Variants in DLGAP2 observed in about 807,000 individuals in gnomAD.
DLGAP2 encodes disks large-associated protein 2.
DLGAP2 carries 26 observed loss-of-function variants against 100.3 expected under a neutral mutation model. The observed-to-expected ratio is 0.26, with a 90% confidence interval of 0.19 to 0.36. The LOEUF is 0.36. DLGAP2 is among the 10% of genes least tolerant of loss of function. The pLI is 1.00. For synonymous variants in DLGAP2, 886 were observed against 630.1 expected, an observed-to-expected ratio of 1.41 and a Z score of -6.08; for missense variants, 1,858 against 1,453.2, an observed-to-expected ratio of 1.28 and a Z score of -4.53.
At chr8:744,020 T>C (rs1820551663) in intron 1 of DLGAP2, among the ~76,000 whole-genome samples, 1 of 152,248 alleles carries the variant, frequency 6.6e-6, no homozygotes, top group Non-Finnish European at 1.5e-5. Flanking sequence ...ACGTTTCCTC[T>C]GAGTCTTTGC....
intron 1 of DLGAP2, among the ~76,000 whole-genome samples, chr8:804,703 T>C (rs1585882467): frequency 1.3e-5 from 2 of 152,366 alleles, no homozygotes; most frequent in South Asian, 2.1e-4. Flanking sequence ...TTCATTTTGA[T>C]CCAGCTTAAG....
chr8:1,365,164 C>T (rs1218338238), intron 3 of DLGAP2, among the ~76,000 whole-genome samples: 1 of 152,172 alleles, frequency 6.6e-6, no homozygotes, highest in African/African-American at 2.4e-5. Context: ...TGGTTCGGGG[C>T]ATTTGAGGGG....
At chr8:792,053 T>G (rs1231721265) in intron 1 of DLGAP2, among the ~76,000 whole-genome samples, 4 of 152,232 alleles carry the variant, frequency 2.6e-5, no homozygotes, top group Non-Finnish European at 1.5e-5. Flanking sequence ...GACACTGCAT[T>G]TACCAATGTG....
intron 2 of DLGAP2, among the ~76,000 whole-genome samples, chr8:1,157,343 A>G (rs1796811247): frequency 6.6e-6 from 1 of 152,160 alleles, no homozygotes; most frequent in Admixed American, 6.5e-5. Context: ...ACTTCCAGCG[A>G]CGACGGCCCT....
intron 3 of DLGAP2, among the ~76,000 whole-genome samples, chr8:1,462,782 C>T (rs1253816093): frequency 6.6e-6 from 1 of 152,208 alleles, no homozygotes; most frequent in Non-Finnish European, 1.5e-5. Context: ...CCTGAACAAG[C>T]CTCATCTCCG....
chr8:1,617,860 A>G (rs1203000957), intron 6 of DLGAP2, among the ~76,000 whole-genome samples: 1 of 152,376 alleles, frequency 6.6e-6, no homozygotes, highest in East Asian at 1.9e-4. Flanking sequence ...AAGAAATCAG[A>G]GGAACAAGTA....
At chr8:932,501 G>A (rs981648863) in intron 2 of DLGAP2, among the ~76,000 whole-genome samples, 4 of 152,236 alleles carry the variant, frequency 2.6e-5, no homozygotes, top group Non-Finnish European at 5.9e-5. Context: ...AAACACAAGA[G>A]TGGAACAATT....
At chr8:1,025,053 C>T (rs1390258472) in intron 2 of DLGAP2, among the ~76,000 whole-genome samples, 6 of 151,868 alleles carry the variant, frequency 4.0e-5, no homozygotes, top group Middle Eastern at 3.4e-3. Context: ...TGTGCATATG[C>T]GTGCATGTGC....
At chr8:1,341,516 C>G (rs1455665929) in intron 3 of DLGAP2, among the ~76,000 whole-genome samples, 1 of 152,174 alleles carries the variant, frequency 6.6e-6, no homozygotes, top group Admixed American at 6.5e-5. Flanking sequence ...ACAGTATGGG[C>G]TGGATGAGTT....
chr8:1,432,224 T>C (rs1797472319), intron 3 of DLGAP2, among the ~76,000 whole-genome samples: 2 of 152,236 alleles, frequency 1.3e-5, no homozygotes, highest in Admixed American at 1.3e-4. Flanking sequence ...TAAAAGCCAG[T>C]GGCTAAGATG....
At chr8:1,070,053 A>G (rs1305908377) in intron 2 of DLGAP2, among the ~76,000 whole-genome samples, 2 of 152,234 alleles carry the variant, frequency 1.3e-5, no homozygotes, top group Admixed American at 6.5e-5. Flanking sequence ...GGCACTGTGC[A>G]TATTCAAACA....
intron 2 of DLGAP2, among the ~76,000 whole-genome samples, chr8:1,256,509 T>C (rs1799222165): frequency 0.011 from 1,465 of 134,790 alleles, 22 homozygotes; most frequent in African/African-American, 0.033. Flanking sequence ...CCTGCCTGGG[T>C]GCTGTGTGTG....
chr8:1,696,476 C>T (rs192479794), intron 13 of DLGAP2, among the ~76,000 whole-genome samples: 306 of 152,192 alleles, frequency 2.0e-3, no homozygotes, highest in Non-Finnish European at 3.6e-3. Context: ...CCAGCCTGGG[C>T]GACAGAGAAA....
At chr8:1,488,769 G>A (rs1424326273) in intron 3 of DLGAP2, among the ~76,000 whole-genome samples, 1 of 152,182 alleles carries the variant, frequency 6.6e-6, no homozygotes, top group South Asian at 2.1e-4. Flanking sequence ...GCATTCAGAT[G>A]CTGTGTGTTC....
intron 6 of DLGAP2, chr8:1,604,803 G>C (rs868356581): frequency 1.7e-4 from 25 of 150,920 alleles, no homozygotes; most frequent in African/African-American, 6.2e-4. Context: ...CAATGTACTT[G>C]TTAAAAAAAA....
At chr8:1,632,007 G>A (rs886517458) in intron 7 of DLGAP2, among the ~76,000 whole-genome samples, 37 of 152,020 alleles carry the variant, frequency 2.4e-4, no homozygotes, top group African/African-American at 6.3e-4. Flanking sequence ...AAAGCTGTTG[G>A]TGCTTTGAGC....
intron 2 of DLGAP2, among the ~76,000 whole-genome samples, chr8:1,000,713 T>C (rs1208474412): frequency 6.6e-6 from 1 of 152,220 alleles, no homozygotes; most frequent in Non-Finnish European, 1.5e-5. Flanking sequence ...CTCCAAGGTA[T>C]TTTTGTAGCC....
intron 6 of DLGAP2, among the ~76,000 whole-genome samples, chr8:1,585,099 A>G (rs1346128876): frequency 6.6e-6 from 1 of 152,136 alleles, no homozygotes; most frequent in Non-Finnish European, 1.5e-5. Context: ...TTGGCCTGCT[A>G]CAACTGATAT....
intron 3 of DLGAP2, among the ~76,000 whole-genome samples, chr8:1,270,867 G>A (rs563389850): frequency 6.6e-6 from 1 of 151,924 alleles, no homozygotes; most frequent in Admixed American, 6.6e-5. Context: ...TGCTGTCAGG[G>A]TCTGATTTTT....
Sources: gnomAD v4.1 joint callset for allele counts (sites outside exome capture counted in the v4.1 genomes callset) on GRCh38, gnomAD v4.1.1 for gene constraint, MANE v1.5 for transcripts, NCBI Gene and HGNC (gene_info 2026-07-23, HGNC 2026-07-21) for gene names.